CHD9: variants seen among roughly 807,000 people sequenced by gnomAD.
CHD9 encodes ATP-dependent chromatin remodeler CHD9.
Under a neutral mutation model 316.1 loss-of-function variants are expected in CHD9, and 77 were observed. That is an observed-to-expected ratio of 0.24 (90% CI 0.20 to 0.29). The LOEUF is 0.29. Among genes scored for constraint, CHD9 ranks in the 10% least tolerant of loss-of-function variants. The pLI is 1.00. For missense variants in CHD9, 2,763 were observed against 3,438.1 expected, an observed-to-expected ratio of 0.80 and a Z score of 4.91; for synonymous variants, 1,129 against 1,158.3, an observed-to-expected ratio of 0.97 and a Z score of 0.51.
intron 10 of CHD9, among the ~76,000 whole-genome samples, chr16:53,234,793 A>G (rs1000539301): frequency 5.5e-5 from 8 of 146,114 alleles, no homozygotes; most frequent in Admixed American, 4.8e-4. Context: ...TCTACTTTAA[A>G]CCCACCTTCC....
At chr16:53,084,964 A>G (rs1183267928) in intron 1 of CHD9, among the ~76,000 whole-genome samples, 1 of 152,202 alleles carries the variant, frequency 6.6e-6, no homozygotes, top group East Asian at 1.9e-4. Flanking sequence ...GTGCTCGGGT[A>G]AACTTGGACT....
intron 2 of CHD9, among the ~76,000 whole-genome samples, chr16:53,180,967 G>A (rs2043461369): frequency 6.6e-6 from 1 of 151,214 alleles, no homozygotes; most frequent in African/African-American, 2.4e-5. Flanking sequence ...GAGCCACCTC[G>A]CCCAGCCTGA....
At chr16:53,075,660 G>T (rs1350173660) in intron 1 of CHD9, among the ~76,000 whole-genome samples, 1 of 152,164 alleles carries the variant, frequency 6.6e-6, no homozygotes, top group Non-Finnish European at 1.5e-5. Context: ...TCTTGCTGCT[G>T]CTACATAAGA....
Position 53,222,713 on chromosome 16 carries a change from A to G in CHD9, c.1854A>G (p.Ala618=), listed in dbSNP as rs772753979. Residue 618 remains alanine (A), a synonymous_variant, in exon 4 of 39, where the codon GCA becomes GCG. Coordinates refer to ENST00000447540, the MANE Select transcript of CHD9 (RefSeq NM_001308319.2). The part of the protein sequence containing the change: ...KNESSDEISD[A]EQMPQHTLKD... ...AGTCTTCAGATGAAATATCTGATGC[A>G]GAACAGATGCCACAGCATACATTAA... 3 of 1,579,662 alleles carry G rather than the reference A, an allele frequency of 1.9e-6. No individual in the cohort carries two copies. The highest frequency in any genetic ancestry group is 2.6e-6 in the Non-Finnish European group (3 of 1,158,178).
intron 24 of CHD9, among the ~76,000 whole-genome samples, chr16:53,279,156 A>G (rs1009350532): frequency 6.6e-6 from 1 of 152,220 alleles, no homozygotes; most frequent in African/African-American, 2.4e-5. Context: ...TGGCACATAT[A>G]CACCATGGAA....
In CHD9 at chr16:53,286,310, C is replaced by T. The variant is rs1237404473; in HGVS notation, c.5156C>T (p.Ala1719Val). 1.2e-6 allele frequency: 2 copies of T among 1,611,132 alleles called. No homozygotes were observed. The highest frequency in any genetic ancestry group is 1.7e-6 in the Non-Finnish European group (2 of 1,177,540). The change falls in exon 26 of 39, where the codon GCT becomes GTT. Residue 1719 changes from alanine to valine, a missense_variant. By Grantham distance (64) the Ala-to-Val change is moderately conservative. Transcript: ENST00000447540. ...GGAAAACCTGATGAGAAAGCAGTTG[C>T]TGCTGAACAGAGAGCGAATGATTAT... ...RVGKPDEKAV[A>V]AEQRANDYMD... is the part of the protein sequence containing the mutation.
At chr16:53,206,959 C>T (rs993418642) in intron 2 of CHD9, among the ~76,000 whole-genome samples, 1 of 152,190 alleles carries the variant, frequency 6.6e-6, no homozygotes, top group Non-Finnish European at 1.5e-5. Flanking sequence ...ACATTGATGA[C>T]ATCTCAAGTC....
chr16:53,271,654 C>A (rs542094726), intron 22 of CHD9, among the ~76,000 whole-genome samples: 1 of 151,818 alleles, frequency 6.6e-6, no homozygotes, highest in African/African-American at 2.4e-5. Context: ...AGGAGGACAC[C>A]TTTTCTTTAA....
At chr16:53,169,722 A>G (rs7191003) in intron 2 of CHD9, among the ~76,000 whole-genome samples, 34,950 of 152,114 alleles carry the variant, frequency 0.23, 4,510 homozygotes, top group Middle Eastern at 0.32. Flanking sequence ...GAATGGGAAC[A>G]TTCACCTCCA....
At chr16:53,105,885 G>A (rs11647788) in intron 1 of CHD9, among the ~76,000 whole-genome samples, 29 of 150,266 alleles carry the variant, frequency 1.9e-4, no homozygotes, top group Middle Eastern at 3.4e-3. Flanking sequence ...GTGCAATAGC[G>A]CGGTCTTGGT....
At position 53,156,891 on chromosome 16, in the gene CHD9, C is replaced by G. The variant is rs1261151153; in HGVS notation, c.802C>G (p.Gln268Glu). 3 of 1,613,518 alleles carry G rather than the reference C, an allele frequency of 1.9e-6. No homozygotes were observed. Among genetic ancestry groups the G allele is most frequent in the Non-Finnish European group, 2.5e-6 (3 of 1,179,630 alleles). ...GACTTCTTGTTCTGTCAGTAATTCA[C>G]AGCAATTTTCTTCACATTATTCCTT... ...NMTSCSVSNSQQFSSHYSFSS... is the reference protein window; with the variant it reads ...NMTSCSVSNSEQFSSHYSFSS... Residue 268 changes from glutamine to glutamate, a missense_variant, in exon 2 of 39, where the codon CAG becomes GAG. Gln to Glu is a conservative substitution (Grantham distance 29). Coordinates refer to ENST00000447540, the MANE Select transcript of CHD9 (RefSeq NM_001308319.2).
intron 2 of CHD9, among the ~76,000 whole-genome samples, chr16:53,188,996 A>T (rs1032360641): frequency 2.0e-5 from 3 of 151,942 alleles, no homozygotes; most frequent in Admixed American, 2.0e-4. Flanking sequence ...TTAGATACAA[A>T]TCTCTTATCA....
At chr16:53,228,567 G>A (rs575904391) in intron 7 of CHD9, among the ~76,000 whole-genome samples, 41 of 140,790 alleles carry the variant, frequency 2.9e-4, no homozygotes, top group East Asian at 1.9e-3. Flanking sequence ...TTGAGACGGA[G>A]TCTCGCTCTG....
rs141909834 is a variant in CHD9, at chr16:53,062,753, G to A, written c.-165+7676G>A. 1.7e-3 allele frequency among the ~76,000 whole-genome samples: 254 copies of A among 152,152 alleles called. 1 individual carries two copies. Among genetic ancestry groups the A allele is most frequent in the African/African-American group, 5.7e-3 (237 of 41,538 alleles). ...TTTAAAAATAAAAATTTATGGAGCC[G>A]GGTGCGATGGCTCACGCCTGTAATC... is the stretch of plus-strand genomic sequence containing the variant. On this transcript the variant is annotated intron_variant, in intron 1 of 38. Transcript: ENST00000447540.
At chr16:53,072,946 C>T (rs9652626) in intron 1 of CHD9, among the ~76,000 whole-genome samples, 5,552 of 152,244 alleles carry the variant, frequency 0.036, 97 homozygotes, top group African/African-American at 0.043. Context: ...CCACCCGCCT[C>T]GGTCTCCCAA....
chr16:53,300,809 AT>A (rs2055320265), intron 30 of CHD9, among the ~76,000 whole-genome samples: 1 of 152,226 alleles, frequency 6.6e-6, no homozygotes, highest in Non-Finnish European at 1.5e-5. Context: ...GTTCAATAAC[AT>A]TTTTCACATC....
rs367721561 is a variant in CHD9 at position 53,268,089 on chromosome 16, T to C, written c.4680T>C (p.Thr1560=). 164 of 1,612,278 alleles carry C rather than the reference T, an allele frequency of 1.0e-4. No homozygotes were observed. The African/African-American group carries it at 2.1e-3, about 20-fold the overall frequency. ...TCATATGGGATCTCATTACTCCAAC[T>C]GAAGATGGACAGACACGAGAGCTAC... is the stretch of plus-strand genomic sequence containing the variant. The part of the protein sequence containing the change: ...KGFIWDLITP[T]EDGQTRELQN... Residue 1560 remains threonine, a synonymous_variant, in exon 22 of 39, where the codon ACT becomes ACC. Coordinates refer to ENST00000447540, the MANE Select transcript of CHD9 (RefSeq NM_001308319.2).
At chr16:53,102,550 AT>A (rs1168560910) in intron 1 of CHD9, among the ~76,000 whole-genome samples, 1 of 151,954 alleles carries the variant, frequency 6.6e-6, no homozygotes, top group African/African-American at 2.4e-5. Flanking sequence ...CACAATAAAT[AT>A]TTTTTTAATA....
At chr16:53,302,075 A>G (rs118115398) in intron 30 of CHD9, among the ~76,000 whole-genome samples, 31 of 152,198 alleles carry the variant, frequency 2.0e-4, no homozygotes, top group Non-Finnish European at 3.7e-4. Context: ...TCCTCTCTTA[A>G]TGTTAACATT....
Sources: gnomAD v4.1 joint callset for allele counts (sites outside exome capture counted in the v4.1 genomes callset) on GRCh38, gnomAD v4.1.1 for gene constraint, MANE v1.5 for transcripts, NCBI Gene and HGNC (gene_info 2026-07-23, HGNC 2026-07-21) for gene names.